GNB1L: variants seen among roughly 807,000 people sequenced by gnomAD.
GNB1L encodes guanine nucleotide-binding protein subunit beta-like protein 1.
GNB1L carries 20 observed loss-of-function variants against 29.1 expected under a neutral mutation model. That is an observed-to-expected ratio of 0.69 (90% CI 0.48 to 1.00). The LOEUF (loss-of-function observed/expected upper bound fraction) is 1.00. GNB1L is among the 50% of genes least tolerant of loss of function. GNB1L has a pLI of 0.00. For missense variants in GNB1L, 421 were observed against 464.9 expected (o/e 0.91, Z 0.87); for synonymous variants, 193 against 206.5 (o/e 0.93, Z 0.56).
intron 2 of GNB1L, chr22:19,852,266 G>A (rs1601359490): frequency 6.3e-7 from 1 of 1,594,602 alleles, no homozygotes; most frequent in Non-Finnish European, 8.5e-7. Context: ...AGGCATGCTG[G>A]GAGCACAGGG....
At chr22:19,813,752 T>C (rs888991245) in intron 4 of GNB1L, among the ~76,000 whole-genome samples, 40 of 152,156 alleles carry the variant, frequency 2.6e-4, no homozygotes, top group African/African-American at 8.9e-4. Flanking sequence ...CCCAGCACTT[T>C]GGGAGGCCAA....
chr22:19,804,677 T>A (rs1201062116), intron 6 of GNB1L, among the ~76,000 whole-genome samples: 1 of 151,312 alleles, frequency 6.6e-6, no homozygotes, highest in African/African-American at 2.4e-5. Context: ...AATTATAACC[T>A]GACCCTCAGG....
At chr22:19,792,479 G>C in intron 7 of GNB1L, 1 of 1,579,514 alleles carries the variant, frequency 6.3e-7, no homozygotes, top group Non-Finnish European at 8.6e-7. Context: ...GCTATATCAG[G>C]TTGCAGCGGC....
At chr22:19,840,063 C>CAAA (rs34717466) in intron 2 of GNB1L, among the ~76,000 whole-genome samples, 2 of 142,820 alleles carry the variant, frequency 1.4e-5, no homozygotes, top group Non-Finnish European at 3.1e-5. Flanking sequence ...GATCTTGCCT[C>CAAA]AAAAAAAAAA....
intron 5 of GNB1L, among the ~76,000 whole-genome samples, chr22:19,807,217 G>A (rs1304049410): frequency 1.3e-5 from 2 of 152,218 alleles, no homozygotes; most frequent in Non-Finnish European, 2.9e-5. Context: ...CCACCTGGAC[G>A]CCCCGGTGTC....
intron 7 of GNB1L, among the ~76,000 whole-genome samples, chr22:19,789,962 C>G (rs893865908): frequency 6.6e-6 from 1 of 152,172 alleles, no homozygotes; most frequent in South Asian, 2.1e-4. Context: ...TCAGAATGCT[C>G]CACAGCCACA....
intron 7 of GNB1L, among the ~76,000 whole-genome samples, chr22:19,800,743 G>A (rs1469409993): frequency 6.6e-6 from 1 of 152,238 alleles, no homozygotes; most frequent in Non-Finnish European, 1.5e-5. Flanking sequence ...TCTCCTGCAA[G>A]TCTACCATGT....
chr22:19,849,818 A>T, intron 2 of GNB1L: 11 of 985,402 alleles, frequency 1.1e-5, no homozygotes, highest in Non-Finnish European at 1.3e-5. Flanking sequence ...AAGGGACTTG[A>T]ACTTCTTGTC....
chr22:19,826,117 CA>C (rs1418886100), intron 2 of GNB1L, among the ~76,000 whole-genome samples: 1 of 152,228 alleles, frequency 6.6e-6, no homozygotes, highest in Non-Finnish European at 1.5e-5. Flanking sequence ...CCTGGATTTC[CA>C]GCTCTGATGG....
At chr22:19,840,174 A>T (rs1266595764) in intron 2 of GNB1L, among the ~76,000 whole-genome samples, 1 of 152,212 alleles carries the variant, frequency 6.6e-6, no homozygotes, top group Admixed American at 6.5e-5. Flanking sequence ...ACCATGGGTA[A>T]CTGAAACCTC....
At chr22:19,812,667 T>C (rs1053103923) in intron 4 of GNB1L, among the ~76,000 whole-genome samples, 1 of 152,108 alleles carries the variant, frequency 6.6e-6, no homozygotes, top group Admixed American at 6.5e-5. Flanking sequence ...ATGCAGTGGA[T>C]CAAGGCTGTG....
At chr22:19,826,632 C>G (rs115795871) in intron 2 of GNB1L, among the ~76,000 whole-genome samples, 1 of 152,292 alleles carries the variant, frequency 6.6e-6, no homozygotes, top group Non-Finnish European at 1.5e-5. Context: ...GGTTGGGAAA[C>G]AGGAGATGTG....
rs143297231 is a variant in GNB1L at position 19,821,339 on chromosome 22, G to A, written c.17C>T (p.Pro6Leu). The change falls in exon 3 of 8, where the codon CCG (proline) becomes CTG (leucine). Residue 6 changes from proline (P) to leucine (L), a missense_variant. Physicochemically the swap from Pro to Leu is moderately conservative, Grantham distance 98. Transcript: ENST00000329517. ...AAACTGGGGGTCTGGAGGTGGCGGC[G>A]GGCAGGGGGCCGTCATGCTGGGCAG... is the stretch of plus-strand genomic sequence containing the variant. Reference protein sequence around the residue: MTAPCPPPPPDPQFVL... With the variant: MTAPCLPPPPDPQFVL... The A allele has an allele frequency of 2.8e-5, 45 of 1,612,514 alleles. No homozygotes were observed. Among genetic ancestry groups the A allele is most frequent in the African/African-American group, 4.0e-5 (3 of 74,934 alleles).
At chr22:19,849,572 G>C in intron 2 of GNB1L, 1 of 464,520 alleles carries the variant, frequency 2.2e-6, no homozygotes, top group Non-Finnish European at 2.8e-6. Context: ...TCTCCATGCT[G>C]GTCAGGCTGG....
intron 2 of GNB1L, among the ~76,000 whole-genome samples, chr22:19,845,326 T>G (rs1601352347): frequency 6.6e-6 from 1 of 152,186 alleles, no homozygotes; most frequent in Admixed American, 6.5e-5. Context: ...GTGCTGCAGG[T>G]GGACCCCTCA....
chr22:19,851,558 G>A, intron 2 of GNB1L: 1 of 1,612,832 alleles, frequency 6.2e-7, no homozygotes, highest in Non-Finnish European at 8.5e-7. Flanking sequence ...CATGGCGGCT[G>A]GTAAAGACCT....
chr22:19,817,547 G>A (rs749366346), intron 4 of GNB1L, among the ~76,000 whole-genome samples: 6 of 152,324 alleles, frequency 3.9e-5, no homozygotes, highest in African/African-American at 9.6e-5. Flanking sequence ...TGCAACACAC[G>A]GAGCTCACGG....
At chr22:19,791,800 G>A (rs934940305) in intron 7 of GNB1L, among the ~76,000 whole-genome samples, 2 of 152,184 alleles carry the variant, frequency 1.3e-5, no homozygotes, top group Admixed American at 6.5e-5. Flanking sequence ...CTACCAGAAC[G>A]GCTTCACTTC....
intron 6 of GNB1L, among the ~76,000 whole-genome samples, chr22:19,804,129 C>T (rs187386196): frequency 1.0e-3 from 152 of 152,372 alleles, no homozygotes; most frequent in African/African-American, 3.6e-3. Context: ...GTCCCTGCAG[C>T]CCCCTAGTGA....
Sources: allele counts gnomAD v4.1 joint callset (sites outside exome capture counted in the v4.1 genomes callset), GRCh38; gene constraint gnomAD v4.1.1; transcripts MANE v1.5; gene names NCBI Gene and HGNC (gene_info 2026-07-23, HGNC 2026-07-21).